The following IP6K3 variants were observed in gnomAD, a reference collection of about 807,000 sequenced individuals.
The protein encoded by IP6K3 is inositol hexakisphosphate kinase 3.
IP6K3 carries 20 observed loss-of-function variants against 28.8 expected under a neutral mutation model. The observed-to-expected ratio is 0.70, with a 90% CI of 0.49 to 1.01. The LOEUF (loss-of-function observed/expected upper bound fraction) is 1.01. IP6K3 is among the 50% of genes least tolerant of loss of function. The pLI is 0.00. For synonymous variants in IP6K3, 213 were observed against 221.3 expected, an observed-to-expected ratio of 0.96 and a Z score of 0.33; for missense variants, 480 against 537.1, an observed-to-expected ratio of 0.89 and a Z score of 1.05.
In IP6K3 at chr6:33,726,837, G is replaced by T. The variant is rs749410294; in HGVS notation, c.483C>A (p.Thr161=). The change falls in exon 4 of 6, where the codon ACC becomes ACA. Residue 161 remains threonine (T), a synonymous_variant. Transcript: ENST00000293756. ...TCTTCCTCTCAACCTGGTTTCCGTTGGTGTCTTCCACCAGCGAGAAGGCTG... is the reference window on the plus strand; with the variant it reads ...TCTTCCTCTCAACCTGGTTTCCGTTTGTGTCTTCCACCAGCGAGAAGGCTG... The part of the protein sequence containing the change: ...NTPAFSLVED[T]NGNQVERKSF... The T allele has an allele frequency of 3.7e-6, 6 of 1,613,562 alleles. No individual in the cohort carries two copies. Among genetic ancestry groups the T allele is most frequent in the Non-Finnish European group, 5.1e-6 (6 of 1,179,586 alleles).
chr6:33,748,064 T>C (rs1297310555), upstream of IP6K3, among the ~76,000 whole-genome samples: 1 of 152,056 alleles, frequency 6.6e-6, no homozygotes, highest in Non-Finnish European at 1.5e-5. Flanking sequence ...CTGGCTGAAG[T>C]TCCCCTGGGC....
upstream of IP6K3, among the ~76,000 whole-genome samples, chr6:33,748,203 C>T (rs1766964319): frequency 6.6e-6 from 1 of 152,264 alleles, no homozygotes; most frequent in Middle Eastern, 3.4e-3. Context: ...CAGCCTCTCT[C>T]GGACTCATCC....
Position 33,726,803 on chromosome 6 carries a change from G to T in IP6K3, c.517C>A (p.Pro173Thr), listed in dbSNP as rs1411406037. ...GNQVERKSFN[P>T]WGLQCHQAHL... ...GCCTGGTGGCATTGCAGGCCCCACG[G>T]GTTGAAGCTCTTCCTCTCAACCTGG... is the stretch of plus-strand genomic sequence containing the variant. The change falls in exon 4 of 6, where the codon CCG becomes ACG. Residue 173 changes from proline to threonine, a missense_variant. Coordinates refer to ENST00000293756, the MANE Select transcript of IP6K3 (RefSeq NM_054111.5). 1.2e-6 allele frequency: 2 copies of T among 1,613,258 alleles called. No individual in the cohort carries two copies. Among genetic ancestry groups the T allele is most frequent in the Non-Finnish European group, 1.7e-6 (2 of 1,179,498 alleles).
In IP6K3 at chr6:33,744,879, G is replaced by T. The variant is rs1367122398; in HGVS notation, c.-180+1879C>A. On this transcript the variant is annotated intron_variant, in intron 1 of 5. Transcript: ENST00000293756. The surrounding 1 kb of genome is among the most constrained non-coding windows in gnomAD (Gnocchi z 4.4). ...AGGGTCAGGGGCTGAAGGGGAGGGG[G>T]TGGGAATGGGCTGGGGGTGGTGGGG... 6.6e-6 allele frequency among the ~76,000 whole-genome samples: 1 copy of T among 151,776 alleles called. No individual in the cohort carries two copies. Among genetic ancestry groups the T allele is most frequent in the African/African-American group, 2.4e-5 (1 of 41,436 alleles).
At chr6:33,760,591 G>A in the IP6K3 span, among the ~76,000 whole-genome samples, 7 of 152,130 alleles carry the variant, frequency 4.6e-5, no homozygotes, top group African/African-American at 4.8e-5. Flanking sequence ...GCAGTGGTGC[G>A]ATCTCAGCTC....
intron 1 of IP6K3, among the ~76,000 whole-genome samples, chr6:33,743,929 T>A (rs1161656296): frequency 6.6e-6 from 1 of 152,106 alleles, no homozygotes; most frequent in Non-Finnish European, 1.5e-5. Flanking sequence ...AAATACGATT[T>A]TAATACAGAG....
the IP6K3 span, among the ~76,000 whole-genome samples, chr6:33,758,599 T>C: frequency 6.6e-6 from 1 of 152,020 alleles, no homozygotes. Context: ...TTTTTTTTGT[T>C]GTTGTTGTTT....
the IP6K3 span, among the ~76,000 whole-genome samples, chr6:33,761,363 G>A: frequency 6.6e-6 from 1 of 152,166 alleles, no homozygotes; most frequent in East Asian, 1.9e-4. Flanking sequence ...CCCAGGGGAG[G>A]CCAGGAAAGA....
chr6:33,742,796 G>T lies in IP6K3; in HGVS notation c.-180+3962C>A, dbSNP rs934243504. 3.3e-5 allele frequency among the ~76,000 whole-genome samples: 5 copies of T among 152,134 alleles called. No individual in the cohort carries two copies. The highest frequency in any genetic ancestry group is 7.3e-5 in the Non-Finnish European group (5 of 68,028). On this transcript the variant is annotated intron_variant, in intron 1 of 5. Coordinates refer to ENST00000293756, the MANE Select transcript of IP6K3 (RefSeq NM_054111.5). The surrounding 1 kb of genome is among the most constrained non-coding windows in gnomAD (Gnocchi z 4.5). Reference sequence around the variant, plus strand: ...AGGGAAAAAACTGTGTTGACAAATGGGTCCTGGAGAAGAGGTTAGGAGAGG... The same window carrying T: ...AGGGAAAAAACTGTGTTGACAAATGTGTCCTGGAGAAGAGGTTAGGAGAGG...
chr6:33,731,566 C>T (rs929228167), intron 2 of IP6K3, among the ~76,000 whole-genome samples: 1 of 152,240 alleles, frequency 6.6e-6, no homozygotes, highest in African/African-American at 2.4e-5. Context: ...TGTCTTTCTG[C>T]GTGCCTCTGA....
the IP6K3 span, among the ~76,000 whole-genome samples, chr6:33,752,352 CT>C: frequency 2.2e-4 from 33 of 152,324 alleles, no homozygotes; most frequent in African/African-American, 7.7e-4. Context: ...TGGAGGGCCT[CT>C]TTCCTCAAGA....
At chr6:33,740,026 C>G (rs977729133) in intron 1 of IP6K3, among the ~76,000 whole-genome samples, 7 of 152,190 alleles carry the variant, frequency 4.6e-5, no homozygotes, top group Non-Finnish European at 8.8e-5. Context: ...TTCCATGAGT[C>G]AACTTGGGTG....
At position 33,728,088 on chromosome 6, in the gene IP6K3, T is replaced by C; in HGVS notation, c.412A>G (p.Ser138Gly). ...TGTCATCCTGCCCAGTGCCCTCACC[T>C]CTCCTTGGGTGAGCGTGCCAGCTGG... is the stretch of plus-strand genomic sequence containing the variant. ...HAQLARSPKESPAKALLRSEP... is the reference protein window; with the variant it reads ...HAQLARSPKEGPAKALLRSEP... Residue 138 changes from serine (S) to glycine (G), a missense_variant and splice_region_variant, in exon 3 of 6, where the codon AGC (serine) becomes GGC (glycine). Ser to Gly is a moderately conservative substitution (Grantham distance 56). Transcript: ENST00000293756. The C allele has an allele frequency of 6.2e-7, 1 of 1,602,906 alleles. No individual in the cohort carries two copies. The highest frequency in any genetic ancestry group is 1.1e-5 in the South Asian group (1 of 91,022).
At chr6:33,728,355 G>T in intron 2 of IP6K3, 55 bp from the exon 3 acceptor site, 1 of 1,501,368 alleles carries the variant, frequency 6.7e-7, no homozygotes, top group Non-Finnish European at 9.3e-7. Context: ...GCCTCCACAC[G>T]GACATGCAGG....
At chr6:33,729,961 C>T (rs749612400) in intron 2 of IP6K3, among the ~76,000 whole-genome samples, 9 of 152,186 alleles carry the variant, frequency 5.9e-5, no homozygotes, top group Non-Finnish European at 1.2e-4. Context: ...ATCCACCCAC[C>T]CTGGCCTCCC....
the IP6K3 span, among the ~76,000 whole-genome samples, chr6:33,754,670 A>G: frequency 6.6e-6 from 1 of 152,228 alleles, no homozygotes; most frequent in African/African-American, 2.4e-5. Flanking sequence ...TTCTCTGGGC[A>G]TCCCACTCCC....
chr6:33,755,441 G>C, the IP6K3 span, among the ~76,000 whole-genome samples: 1 of 152,242 alleles, frequency 6.6e-6, no homozygotes, highest in African/African-American at 2.4e-5. Context: ...GTGGGGGCAG[G>C]GTTGGGAGGC....
intron 5 of IP6K3, among the ~76,000 whole-genome samples, chr6:33,723,392 T>C (rs1490535837): frequency 6.6e-6 from 1 of 152,216 alleles, no homozygotes; most frequent in African/African-American, 2.4e-5. Context: ...TGTGCAAGTC[T>C]TTAATAGTAA....
the IP6K3 span, among the ~76,000 whole-genome samples, chr6:33,752,082 C>A: frequency 1.3e-5 from 2 of 152,120 alleles, no homozygotes; most frequent in African/African-American, 4.8e-5. Flanking sequence ...AAAGCTGCCA[C>A]CTCCCAGGCC....
Sources: gnomAD v4.1 joint callset for allele counts (sites outside exome capture counted in the v4.1 genomes callset) on GRCh38, gnomAD v4.1.1 for gene constraint, Gnocchi (gnomAD v3.1) non-coding constraint, MANE v1.5 for transcripts, NCBI Gene and HGNC (gene_info 2026-07-23, HGNC 2026-07-21) for gene names.